Variants in CA10 observed in about 807,000 individuals in gnomAD.
The protein encoded by CA10 is carbonic anhydrase-related protein 10.
In CA10, 14 loss-of-function variants were observed where a neutral mutation model predicts 44.2. The observed-to-expected ratio is 0.32, with a 90% CI of 0.21 to 0.50. The LOEUF (loss-of-function observed/expected upper bound fraction) is 0.50. CA10 is among the 20% of genes least tolerant of loss of function. The pLI, the probability that CA10 is intolerant of heterozygous loss-of-function variation, is 0.99. For missense variants in CA10, 350 were observed against 409.7 expected, an observed-to-expected ratio of 0.85 and a Z score of 1.26; for synonymous variants, 159 against 141.6, an observed-to-expected ratio of 1.12 and a Z score of -0.87.
intron 2 of CA10, among the ~76,000 whole-genome samples, chr17:51,986,180 T>G (rs986932955): frequency 6.6e-6 from 1 of 151,938 alleles, no homozygotes; most frequent in Admixed American, 6.6e-5. Flanking sequence ...TGGAACAGAA[T>G]AGAGAACCCA....
intron 1 of CA10, among the ~76,000 whole-genome samples, chr17:52,091,741 T>C (rs1285449530): frequency 6.6e-6 from 1 of 152,146 alleles, no homozygotes; most frequent in Non-Finnish European, 1.5e-5. Flanking sequence ...GAGGGGGACC[T>C]TGCTGTATAC....
intron 1 of CA10, among the ~76,000 whole-genome samples, chr17:52,087,846 G>A (rs1218820087): frequency 6.6e-6 from 1 of 152,140 alleles, no homozygotes; most frequent in Non-Finnish European, 1.5e-5. Flanking sequence ...AGTCCTAGAG[G>A]AATAAAAACT....
At chr17:51,793,590 T>C (rs1906602988) in intron 3 of CA10, among the ~76,000 whole-genome samples, 1 of 152,182 alleles carries the variant, frequency 6.6e-6, no homozygotes, top group Non-Finnish European at 1.5e-5. Flanking sequence ...AAAAAGTTTG[T>C]TTGGTTAGAG....
At chr17:51,693,337 C>T (rs1045791683) in intron 4 of CA10, among the ~76,000 whole-genome samples, 3 of 151,944 alleles carry the variant, frequency 2.0e-5, no homozygotes, top group Admixed American at 6.6e-5. Flanking sequence ...ATCTTTTTCT[C>T]TTTAAAAAAA....
intron 3 of CA10, among the ~76,000 whole-genome samples, chr17:51,850,132 A>T (rs889392267): frequency 1.3e-5 from 2 of 152,254 alleles, no homozygotes. Context: ...GCAGTTTAAG[A>T]GAGATCTATG....
chr17:52,033,695 T>C (rs77914003), intron 2 of CA10, among the ~76,000 whole-genome samples: 2,154 of 152,184 alleles, frequency 0.014, 48 homozygotes, highest in African/African-American at 0.049. Flanking sequence ...ACAATAAAGA[T>C]TAACAGCATG....
chr17:52,078,986 T>A (rs1987891843), intron 1 of CA10, among the ~76,000 whole-genome samples: 1 of 152,210 alleles, frequency 6.6e-6, no homozygotes, highest in Admixed American at 6.5e-5. Flanking sequence ...ATATATCTTA[T>A]TTTAAAATTC....
intron 3 of CA10, among the ~76,000 whole-genome samples, chr17:51,867,979 A>G (rs1358183329): frequency 1.3e-5 from 2 of 152,112 alleles, no homozygotes; most frequent in Non-Finnish European, 2.9e-5. Context: ...CTGTTTCTAC[A>G]TTATTCAGTC....
rs1989850931 is a variant in CA10 at position 52,158,183 on chromosome 17, G to T, written c.-397C>A. Reference sequence around the variant, plus strand: ...TCCAGCAAAAACGAGACCCCGATTCGTCTGGCGCCCCAAGAAGACATAGAC... The same window carrying T: ...TCCAGCAAAAACGAGACCCCGATTCTTCTGGCGCCCCAAGAAGACATAGAC... On this transcript the variant is annotated 5_prime_UTR_variant, in exon 1 of 9. Coordinates refer to ENST00000451037, the MANE Select transcript of CA10 (RefSeq NM_020178.5). 9.3e-6 allele frequency: 3 copies of T among 323,742 alleles called. No homozygotes were observed. The highest frequency in any genetic ancestry group is 1.8e-5 in the Non-Finnish European group (3 of 170,996). The allele number at this position is 323,742 out of a possible 1,614,324, so 20.1% of individuals were successfully genotyped here. A position where few individuals can be genotyped will look rare whatever the true frequency, so the allele number is the denominator to read the frequency against.
At chr17:51,893,921 T>C (rs915169350) in intron 3 of CA10, among the ~76,000 whole-genome samples, 3 of 152,138 alleles carry the variant, frequency 2.0e-5, no homozygotes, top group Admixed American at 6.6e-5. Flanking sequence ...CAAAAACACA[T>C]ATATGGCAAT....
intron 6 of CA10, among the ~76,000 whole-genome samples, chr17:51,641,622 G>GT (rs1324183633): frequency 1.3e-5 from 2 of 152,108 alleles, no homozygotes; most frequent in Admixed American, 6.5e-5. Flanking sequence ...TGAACCTTTG[G>GT]TTTTTTGACA....
At chr17:51,682,793 G>C (rs558910592) in intron 4 of CA10, among the ~76,000 whole-genome samples, 1 of 132,166 alleles carries the variant, frequency 7.6e-6, no homozygotes, top group Non-Finnish European at 1.7e-5. Context: ...CCTGATAAAC[G>C]TGGGGCAAAG....
chr17:51,917,351 G>T, intron 3 of CA10, among the ~76,000 whole-genome samples: 1 of 152,212 alleles, frequency 6.6e-6, no homozygotes, highest in East Asian at 1.9e-4. Context: ...CTTTCAGAAG[G>T]TACTGAAGGC....
At chr17:52,128,094 T>C (rs1989158779) in intron 1 of CA10, among the ~76,000 whole-genome samples, 1 of 152,228 alleles carries the variant, frequency 6.6e-6, no homozygotes, top group Non-Finnish European at 1.5e-5. Context: ...AATCTGAATC[T>C]GGGCTGGGTG....
At chr17:51,854,832 T>C (rs181403232) in intron 3 of CA10, among the ~76,000 whole-genome samples, 4 of 152,294 alleles carry the variant, frequency 2.6e-5, no homozygotes, top group African/African-American at 4.8e-5. Context: ...TTCCTTAGCA[T>C]TTGGTGTGTG....
intron 3 of CA10, among the ~76,000 whole-genome samples, chr17:51,875,580 C>A (rs937937631): frequency 6.6e-6 from 1 of 152,162 alleles, no homozygotes; most frequent in Non-Finnish European, 1.5e-5. Context: ...ATACTGCACC[C>A]CAATCTCTGG....
chr17:51,992,558 C>T (rs948777307), intron 2 of CA10, among the ~76,000 whole-genome samples: 1 of 152,122 alleles, frequency 6.6e-6, no homozygotes, highest in Non-Finnish European at 1.5e-5. Flanking sequence ...TCTTAAAGCA[C>T]ATTAGGCATA....
In CA10 at chr17:51,747,606, C is replaced by T. The variant is rs181797423; in HGVS notation, c.465+27G>A. On this transcript the variant is annotated intron_variant, in intron 4 of 8. Coordinates refer to ENST00000451037, the MANE Select transcript of CA10 (RefSeq NM_020178.5). ...CCCAATCTTATAAGTTGACATTTAA[C>T]CTTAGTACTTTGACAGACTAACATA... 40 of 1,577,546 alleles carry T rather than the reference C, an allele frequency of 2.5e-5. No homozygotes were observed. In the East Asian group the frequency reaches 9.0e-4, roughly 35 times the overall value.
At chr17:51,841,820 A>T (rs1360423796) in intron 3 of CA10, among the ~76,000 whole-genome samples, 3 of 152,194 alleles carry the variant, frequency 2.0e-5, no homozygotes, top group African/African-American at 7.2e-5. Context: ...GGGAGGGTAT[A>T]TTAGGACCCT....
Sources: gnomAD v4.1 joint callset for allele counts (sites outside exome capture counted in the v4.1 genomes callset) on GRCh38, gnomAD v4.1.1 for gene constraint, MANE v1.5 for transcripts, NCBI Gene and HGNC (gene_info 2026-07-23, HGNC 2026-07-21) for gene names.